The following TET1 variants were observed in gnomAD, a reference collection of about 807,000 sequenced individuals.
TET1 encodes the protein methylcytosine dioxygenase TET1.
A neutral mutation model predicts 148.7 loss-of-function variants in TET1; 13 were observed. The ratio of observed to expected loss-of-function variants is 0.09; its 90% CI spans 0.06 to 0.14. The LOEUF (loss-of-function observed/expected upper bound fraction) is 0.14. Ranked by LOEUF, TET1 falls within the 10% of genes least tolerant of loss-of-function variation. The pLI, the probability that TET1 is intolerant of heterozygous loss-of-function variation, is 1.00. For missense variants in TET1, 2,182 were observed against 2,553.8 expected, an observed-to-expected ratio of 0.85 and a Z score of 3.14; for synonymous variants, 907 against 937.2, an observed-to-expected ratio of 0.97 and a Z score of 0.59.
At chr10:68,593,400 C>A (rs1458201637) in intron 2 of TET1, among the ~76,000 whole-genome samples, 1 of 151,456 alleles carries the variant, frequency 6.6e-6, no homozygotes, top group East Asian at 1.9e-4. Context: ...TTTAAGTTCT[C>A]TGAAATGGAA....
intron 2 of TET1, among the ~76,000 whole-genome samples, chr10:68,576,002 A>AGCCT (rs2053726150): frequency 6.7e-6 from 1 of 150,042 alleles, no homozygotes; most frequent in African/African-American, 2.4e-5. Flanking sequence ...CCTGGGTGAC[A>AGCCT]GAGTGAGACT....
At chr10:68,631,453 T>A (rs2054569821) in intron 3 of TET1, among the ~76,000 whole-genome samples, 1 of 146,750 alleles carries the variant, frequency 6.8e-6, no homozygotes, top group African/African-American at 2.6e-5. Context: ...TTTTTTTTTT[T>A]TTGTATTTTT....
intron 3 of TET1, among the ~76,000 whole-genome samples, chr10:68,632,126 C>A (rs2054581402): frequency 6.6e-6 from 1 of 151,898 alleles, no homozygotes; most frequent in Non-Finnish European, 1.5e-5. Context: ...TCGAGACCAT[C>A]GTGGCTAACA....
At chr10:68,593,991 T>C (rs2053950190) in intron 2 of TET1, among the ~76,000 whole-genome samples, 1 of 126,296 alleles carries the variant, frequency 7.9e-6, no homozygotes, top group African/African-American at 3.0e-5. Flanking sequence ...AGTTGCAAGA[T>C]CCCAGCTCAC....
At chr10:68,640,179 G>A (rs1385763245) in intron 3 of TET1, among the ~76,000 whole-genome samples, 22 of 151,384 alleles carry the variant, frequency 1.5e-4, no homozygotes, top group African/African-American at 4.6e-4. Flanking sequence ...CGCCTGCCTC[G>A]ACCTCCCAAA....
At chr10:68,661,196 ATTTTTT>A (rs974912892) in intron 6 of TET1, among the ~76,000 whole-genome samples, 12 of 78,630 alleles carry the variant, frequency 1.5e-4, no homozygotes, top group East Asian at 7.2e-4. Flanking sequence ...CGCCTGGCTA[ATTTTTT>A]TTTTTTTTTT....
At chr10:68,636,773 G>C (rs1210317532) in intron 3 of TET1, among the ~76,000 whole-genome samples, 1 of 152,138 alleles carries the variant, frequency 6.6e-6, no homozygotes, top group Non-Finnish European at 1.5e-5. Flanking sequence ...ACATCACCAA[G>C]GTAAGGAGAG....
At chr10:68,575,945 G>A (rs1447624839) in intron 2 of TET1, among the ~76,000 whole-genome samples, 4 of 151,038 alleles carry the variant, frequency 2.6e-5, no homozygotes, top group South Asian at 2.1e-4. Context: ...GCGTGAACCC[G>A]GGAGGCGGAG....
chr10:68,654,106 CA>C (rs66890965), intron 6 of TET1, among the ~76,000 whole-genome samples: 12,721 of 84,604 alleles, frequency 0.15, 788 homozygotes, highest in African/African-American at 0.3. Context: ...AAAATGTCTC[CA>C]AAAAAAAAAA....
At chr10:68,671,000 GT>G (rs949275705) in intron 7 of TET1, among the ~76,000 whole-genome samples, 2 of 151,128 alleles carry the variant, frequency 1.3e-5, no homozygotes, top group African/African-American at 4.9e-5. Flanking sequence ...TTCTTTTACT[GT>G]TTTTTTTGTT....
chr10:68,592,366 G>A (rs1330593453), intron 2 of TET1, among the ~76,000 whole-genome samples: 1 of 152,142 alleles, frequency 6.6e-6, no homozygotes, highest in South Asian at 2.1e-4. Context: ...TCAGGTCTGG[G>A]ACAAACCAAT....
chr10:68,565,475 A>AATATATATATATATATAT (rs71019031), intron 1 of TET1, among the ~76,000 whole-genome samples: 2 of 129,232 alleles, frequency 1.5e-5, no homozygotes, highest in African/African-American at 5.6e-5. Context: ...AAAAAAAAAA[A>AATATATATATATATATAT]ATATATATAT....
intron 1 of TET1, among the ~76,000 whole-genome samples, chr10:68,562,115 G>A (rs1300420725): frequency 6.6e-6 from 1 of 152,182 alleles, no homozygotes; most frequent in Non-Finnish European, 1.5e-5. Context: ...ACAGCCCTGG[G>A]CCGGCGGGGT....
At chr10:68,593,871 A>G (rs545679062) in intron 2 of TET1, among the ~76,000 whole-genome samples, 6 of 141,794 alleles carry the variant, frequency 4.2e-5, no homozygotes, top group African/African-American at 1.6e-4. Context: ...GCCTTGGCCT[A>G]CCAAAATGCT....
chr10:68,649,618 A>AG (rs1349497109), intron 4 of TET1, among the ~76,000 whole-genome samples: 2 of 151,992 alleles, frequency 1.3e-5, no homozygotes, highest in African/African-American at 4.8e-5. Flanking sequence ...AAAAAAAAAA[A>AG]AAAAAGGGAG....
At chr10:68,661,196 A>ATTTTTTTTTTTTTTTT (rs974912892) in intron 6 of TET1, among the ~76,000 whole-genome samples, 11 of 78,614 alleles carry the variant, frequency 1.4e-4, no homozygotes, top group African/African-American at 3.7e-4. Context: ...CGCCTGGCTA[A>ATTTTTTTTTTTTTTTT]TTTTTTTTTT....
In TET1 at chr10:68,682,523, C is replaced by T. The variant is rs1041458085; in HGVS notation, c.4915-313C>T. Reference sequence around the variant, plus strand: ...GAAAACTCTGTGTATATGATTAATGCGCTTTTATTGGTCTTTCTTTCTAAT... The same window carrying T: ...GAAAACTCTGTGTATATGATTAATGTGCTTTTATTGGTCTTTCTTTCTAAT... On this transcript the variant is annotated intron_variant, in intron 9 of 11. Transcript: ENST00000373644. Among the ~76,000 whole-genome samples the T allele has an allele frequency of 7.9e-5, 12 of 152,150 alleles. No individual in the cohort carries two copies. The South Asian group carries it at 8.3e-4, about 11-fold the overall frequency.
chr10:68,624,628 CTTTCTTTCTTTCTT>C (rs2054430470), intron 3 of TET1, among the ~76,000 whole-genome samples: 3 of 38,880 alleles, frequency 7.7e-5, no homozygotes, highest in African/African-American at 3.3e-4. Context: ...TTCTTTCTTT[CTTTCTTTCTTTCTT>C]TCTTTCTTTC....
intron 2 of TET1, among the ~76,000 whole-genome samples, chr10:68,590,551 G>T (rs2053907390): frequency 6.6e-6 from 1 of 151,972 alleles, no homozygotes. Flanking sequence ...TCTCCCCAAG[G>T]ATATCCTCGT....
Sources: gnomAD v4.1 joint callset for allele counts (sites outside exome capture counted in the v4.1 genomes callset) on GRCh38, gnomAD v4.1.1 for gene constraint, MANE v1.5 for transcripts, NCBI Gene and HGNC (gene_info 2026-07-23, HGNC 2026-07-21) for gene names.